The following AHCTF1 variants were observed in gnomAD, a reference collection of about 807,000 sequenced individuals.
AHCTF1 encodes the protein protein ELYS.
A neutral mutation model predicts 248.4 loss-of-function variants in AHCTF1; 24 were observed. The observed-to-expected ratio is 0.10, with a 90% confidence interval of 0.07 to 0.14. The LOEUF is 0.14. AHCTF1 is among the 10% of genes least tolerant of loss of function. The pLI, the probability that AHCTF1 is intolerant of heterozygous loss-of-function variation, is 1.00. For synonymous variants in AHCTF1, 786 were observed against 929.8 expected (o/e 0.85, Z 2.81); for missense variants, 2,206 against 2,636.2 (o/e 0.84, Z 3.57).
Position 246,899,468 on chromosome 1 carries a change from T to C in AHCTF1, c.1477A>G (p.Thr493Ala), listed in dbSNP as rs151296376. 80 of 1,608,682 alleles carry C rather than the reference T, an allele frequency of 5.0e-5. No homozygotes were observed. The highest frequency in any genetic ancestry group is 6.2e-5 in the Non-Finnish European group (73 of 1,178,060). The change falls in exon 11 of 36, where the codon ACT becomes GCT. Residue 493 changes from threonine to alanine, a missense_variant. Physicochemically the swap from Thr to Ala is moderately conservative, Grantham distance 58. Coordinates refer to ENST00000648844, the MANE Select transcript of AHCTF1 (RefSeq NM_001323342.2). ...LNSGVVHLTC[T>A]GFQKETLTFL... ...TTACCTACCTCCTTCTGAAAGCCAG[T>C]ACAAGTTAAATGAACAACTCCCGAG...
At chr1:246,875,878 C>G (rs1320024906) in intron 24 of AHCTF1, among the ~76,000 whole-genome samples, 159 bp downstream of exon 24, 1 of 152,192 alleles carries the variant, frequency 6.6e-6, no homozygotes, top group Non-Finnish European at 1.5e-5. Flanking sequence ...TCGTGATAGT[C>G]ACTTCATTGC....
intron 29 of AHCTF1, among the ~76,000 whole-genome samples, chr1:246,860,187 T>C (rs1262503246): frequency 2.0e-4 from 6 of 30,606 alleles, no homozygotes; most frequent in East Asian, 2.9e-3. Flanking sequence ...TTGAACCTGG[T>C]TGGGGGGGGG....
chr1:246,872,804 C>A (rs1662691550), intron 24 of AHCTF1, among the ~76,000 whole-genome samples: 4 of 152,042 alleles, frequency 2.6e-5, no homozygotes, highest in Admixed American at 2.0e-4. Context: ...GCTGTCGAGA[C>A]CAAGAGGGCA....
chr1:246,921,214 A>G (rs938917441), intron 1 of AHCTF1, among the ~76,000 whole-genome samples: 1 of 152,224 alleles, frequency 6.6e-6, no homozygotes, highest in African/African-American at 2.4e-5. Flanking sequence ...CAAACATGAC[A>G]AAACTATGAA....
intron 31 of AHCTF1, among the ~76,000 whole-genome samples, chr1:246,853,636 A>G (rs1660883506): frequency 6.6e-6 from 1 of 152,198 alleles, no homozygotes; most frequent in Non-Finnish European, 1.5e-5. Context: ...CTATCCTTGT[A>G]GAGTAATTAC....
chr1:246,891,941 A>G (rs756870314), intron 14 of AHCTF1, 22 bp from the exon 15 acceptor site: 3 of 1,570,324 alleles, frequency 1.9e-6, no homozygotes, highest in South Asian at 2.4e-5. Context: ...AAAAGAAAAG[A>G]TAAGTTTCCA....
chr1:246,859,050 G>A (rs1456300131), intron 29 of AHCTF1, among the ~76,000 whole-genome samples: 4 of 152,080 alleles, frequency 2.6e-5, no homozygotes, highest in South Asian at 4.1e-4. Flanking sequence ...CATCCTGGGC[G>A]ACAGAGCAAG....
chr1:246,863,885 T>A (rs1348380180), intron 27 of AHCTF1, 39 bp downstream of exon 27: 2 of 1,591,768 alleles, frequency 1.3e-6, no homozygotes, highest in Admixed American at 1.7e-5. Flanking sequence ...GTAAGAGCCA[T>A]CTAGTTTGAT....
chr1:246,922,927 G>C (rs1666662746), intron 1 of AHCTF1, among the ~76,000 whole-genome samples: 1 of 143,722 alleles, frequency 7.0e-6, no homozygotes, highest in African/African-American at 2.6e-5. Flanking sequence ...AGTTTGCAGT[G>C]AGCCGAGATT....
chr1:246,919,937 G>A (rs1485576985), intron 1 of AHCTF1, among the ~76,000 whole-genome samples: 7 of 151,242 alleles, frequency 4.6e-5, no homozygotes, highest in Non-Finnish European at 7.4e-5. Context: ...TCAAGAGATC[G>A]AGACCATCCT....
At chr1:246,888,035 AAC>A in intron 19 of AHCTF1, 140 bp downstream of exon 19, 1 of 878,780 alleles carries the variant, frequency 1.1e-6, no homozygotes, top group South Asian at 1.8e-5. Context: ...GAGCCCAAAC[AAC>A]AGATCCTGGG....
rs760686203 is a variant in AHCTF1, at chr1:246,918,323, T to C, written c.48A>G (p.Pro16=). The C allele has an allele frequency of 1.2e-6, 2 of 1,613,172 alleles. No individual in the cohort carries two copies. Among genetic ancestry groups the C allele is most frequent in the African/African-American group, 2.7e-5 (2 of 74,902 alleles). Residue 16 remains proline, a synonymous_variant, in exon 2 of 36, where the codon CCA becomes CCG. Transcript: ENST00000648844. ...AQVTSGLLPF[P]EVTLQALGED... The stretch of plus-strand genomic sequence containing the variant: ...CTCCAAGGGCTTGAAGAGTCACTTC[T>C]GGAAATGGCAGGAGACCACTAGTCA...
Position 246,892,053 on chromosome 1 carries a change from T to C in AHCTF1, c.1805-134A>G, listed in dbSNP as rs554937308. The C allele has an allele frequency of 5.7e-5, 60 of 1,061,554 alleles. No homozygotes were observed. In the Middle Eastern group the frequency reaches 8.9e-4, roughly 16 times the overall value. 65.8% of individuals were successfully genotyped at this position (1,061,554 alleles called of 1,614,324 possible). On this transcript the variant is annotated intron_variant, in intron 14 of 35. Transcript: ENST00000648844. Reference sequence around the variant, plus strand: ...CATTATGAGATTTATAAAGACAAGCTAGAAATGGCAAAACCTCCAAGGAAC... The same window carrying C: ...CATTATGAGATTTATAAAGACAAGCCAGAAATGGCAAAACCTCCAAGGAAC...
rs536969059 is a variant in AHCTF1 at position 246,903,202 on chromosome 1, G to A, written c.967-527C>T. ...AAGTCGGTTCTAGAGACAGGTATGT[G>A]AGGGTGAACAAAATACAGCTATTAG... On this transcript the variant is annotated intron_variant, in intron 7 of 35. Coordinates refer to ENST00000648844, the MANE Select transcript of AHCTF1 (RefSeq NM_001323342.2). 5.3e-5 allele frequency among the ~76,000 whole-genome samples: 8 copies of A among 152,324 alleles called. No individual in the cohort carries two copies. The South Asian group carries it at 1.0e-3, about 20-fold the overall frequency.
Position 246,855,020 on chromosome 1 carries a change from T to C in AHCTF1, c.4354+710A>G, listed in dbSNP as rs76330535. Among the ~76,000 whole-genome samples, 462 of 152,352 alleles carry C rather than the reference T, an allele frequency of 3.0e-3. 2 individuals are homozygous for C. Among genetic ancestry groups the C allele is most frequent in the African/African-American group, 0.011 (443 of 41,582 alleles). On this transcript the variant is annotated intron_variant, in intron 31 of 35. Coordinates refer to ENST00000648844, the MANE Select transcript of AHCTF1 (RefSeq NM_001323342.2). ...CCATAATCATGTATTACCTTAATCA[T>C]GGGACAAAAACTAGTCTGCTGAAGC...
rs772119279 is a variant in AHCTF1 at position 246,840,980 on chromosome 1, A to G, written c.6627T>C (p.Ser2209=). ...KQASKNTEKE[S]AWSPPPIEIR... Reference sequence around the variant, plus strand: ...TTTCTATGGGAGGAGGTGACCAAGCACTTTCTTTTTCTGTGTTTCTGAAAA... The same window carrying G: ...TTTCTATGGGAGGAGGTGACCAAGCGCTTTCTTTTTCTGTGTTTCTGAAAA... Residue 2209 remains serine (S), a synonymous_variant, in exon 36 of 36, where the codon AGT becomes AGC. Transcript: ENST00000648844. 1 of 1,605,214 alleles carries G rather than the reference A, an allele frequency of 6.2e-7. No individual in the cohort carries two copies. Among genetic ancestry groups the G allele is most frequent in the South Asian group, 1.1e-5 (1 of 88,912 alleles).
At chr1:246,909,625 G>A (rs1358367063) in intron 4 of AHCTF1, among the ~76,000 whole-genome samples, 2 of 152,134 alleles carry the variant, frequency 1.3e-5, no homozygotes, top group Non-Finnish European at 2.9e-5. Context: ...GAGTGGTCAT[G>A]CTGGCAATTC....
intron 35 of AHCTF1, among the ~76,000 whole-genome samples, chr1:246,841,475 G>A (rs531827419): frequency 1.3e-5 from 2 of 152,310 alleles, no homozygotes; most frequent in South Asian, 2.1e-4. Flanking sequence ...ATTAGCCATA[G>A]TGTCTTAAAT....
At chr1:246,862,612 A>G (rs1201481022) in intron 27 of AHCTF1, among the ~76,000 whole-genome samples, 1 of 152,242 alleles carries the variant, frequency 6.6e-6, no homozygotes, top group Non-Finnish European at 1.5e-5. Flanking sequence ...AGAAAATACA[A>G]AATTCTTCCA....
Sources: allele counts gnomAD v4.1 joint callset (sites outside exome capture counted in the v4.1 genomes callset), GRCh38; gene constraint gnomAD v4.1.1; transcripts MANE v1.5; gene names NCBI Gene and HGNC (gene_info 2026-07-23, HGNC 2026-07-21).